Variants in PDE1C observed in about 807,000 individuals in gnomAD.
The protein encoded by PDE1C is phosphodiesterase 1C, also known as dual specificity calcium/calmodulin-dependent 3',5'-cyclic nucleotide phosphodiesterase 1C.
A neutral mutation model predicts 93.1 loss-of-function variants in PDE1C; 62 were observed. The ratio of observed to expected loss-of-function variants is 0.67; its 90% confidence interval spans 0.54 to 0.82. The LOEUF (loss-of-function observed/expected upper bound fraction) is 0.82. Ranked by LOEUF, PDE1C falls within the 40% of genes least tolerant of loss-of-function variation. The pLI, the probability that PDE1C is intolerant of heterozygous loss-of-function variation, is 0.00. For synonymous variants in PDE1C, 325 were observed against 310.1 expected (o/e 1.05, Z -0.50); for missense variants, 742 against 884.6 (o/e 0.84, Z 2.04).
chr7:31,617,737 T>G, the PDE1C span, among the ~76,000 whole-genome samples: 1 of 152,176 alleles, frequency 6.6e-6, no homozygotes, highest in East Asian at 1.9e-4. Context: ...AGGATAATAC[T>G]CTACCTAAAA....
chr7:31,985,918 C>T (rs899305137), intron 2 of PDE1C, among the ~76,000 whole-genome samples: 1 of 152,058 alleles, frequency 6.6e-6, no homozygotes, highest in Non-Finnish European at 1.5e-5. Flanking sequence ...CTGCCCCTTC[C>T]CCTAGCACCT....
At chr7:32,207,246 C>T (rs1371382044) in intron 2 of PDE1C, among the ~76,000 whole-genome samples, 1 of 152,050 alleles carries the variant, frequency 6.6e-6, no homozygotes, top group Non-Finnish European at 1.5e-5. Context: ...GCCACCCGCC[C>T]CCGCCAATCC....
the PDE1C span, among the ~76,000 whole-genome samples, chr7:31,646,971 CCTTT>C: frequency 6.6e-6 from 1 of 152,172 alleles, no homozygotes; most frequent in Non-Finnish European, 1.5e-5. Context: ...AATGAATTTC[CCTTT>C]ATTAACATCC....
intron 3 of PDE1C, among the ~76,000 whole-genome samples, chr7:32,145,148 G>A (rs1158372238): frequency 3.3e-5 from 5 of 152,152 alleles, no homozygotes; most frequent in Non-Finnish European, 7.4e-5. Flanking sequence ...TAACTGTGAT[G>A]GCAAAATGTA....
chr7:31,849,869 T>C (rs190626667), intron 8 of PDE1C, among the ~76,000 whole-genome samples: 1 of 152,268 alleles, frequency 6.6e-6, no homozygotes, highest in Admixed American at 6.5e-5. Flanking sequence ...GAAAGTTTTA[T>C]CCTAAGTAGA....
chr7:31,906,036 G>A (rs1205312068), intron 2 of PDE1C, among the ~76,000 whole-genome samples: 1 of 152,150 alleles, frequency 6.6e-6, no homozygotes, highest in Non-Finnish European at 1.5e-5. Flanking sequence ...CAGCCATGCT[G>A]AACTGTGAGT....
chr7:32,266,527 G>A (rs893076668), intron 1 of PDE1C, among the ~76,000 whole-genome samples: 4 of 152,100 alleles, frequency 2.6e-5, no homozygotes, highest in African/African-American at 7.2e-5. Flanking sequence ...TTCCTTCGGC[G>A]ATTACATGCT....
chr7:31,996,210 A>G (rs796988806), intron 2 of PDE1C, among the ~76,000 whole-genome samples: 18 of 152,186 alleles, frequency 1.2e-4, no homozygotes, highest in African/African-American at 4.3e-4. Flanking sequence ...AGGAAGAAAC[A>G]TCGTGATTAC....
intron 1 of PDE1C, among the ~76,000 whole-genome samples, chr7:32,355,932 C>T (rs1047652296): frequency 6.6e-6 from 1 of 152,200 alleles, no homozygotes; most frequent in Non-Finnish European, 1.5e-5. Context: ...TCCCATCATA[C>T]TCTCAAATGT....
intron 1 of PDE1C, among the ~76,000 whole-genome samples, chr7:32,286,907 T>C (rs934291482): frequency 6.6e-6 from 1 of 152,182 alleles, no homozygotes; most frequent in Admixed American, 6.5e-5. Context: ...TGTTAAAAAA[T>C]GAATTAAGTA....
intron 14 of PDE1C, among the ~76,000 whole-genome samples, chr7:31,820,308 A>G (rs1788801555): frequency 6.6e-6 from 1 of 152,048 alleles, no homozygotes; most frequent in African/African-American, 2.4e-5. Flanking sequence ...TCTTTTATAT[A>G]TATTTTTTAT....
intron 2 of PDE1C, among the ~76,000 whole-genome samples, chr7:31,950,289 C>T (rs1163371239): frequency 6.6e-6 from 1 of 152,140 alleles, no homozygotes; most frequent in East Asian, 1.9e-4. Context: ...AGGGTGTTGA[C>T]ATGAAAAGCA....
chr7:32,265,204 T>C (rs1810483220), intron 1 of PDE1C, among the ~76,000 whole-genome samples: 1 of 152,228 alleles, frequency 6.6e-6, no homozygotes, highest in Non-Finnish European at 1.5e-5. Flanking sequence ...TTTATAATGC[T>C]ACTAACATGT....
At chr7:32,015,098 C>A (rs1787708064) in intron 2 of PDE1C, among the ~76,000 whole-genome samples, 1 of 152,108 alleles carries the variant, frequency 6.6e-6, no homozygotes, top group South Asian at 2.1e-4. Flanking sequence ...TCCTGCCTTG[C>A]CCTCCTTCCT....
At chr7:31,883,934 C>G (rs995607608) in intron 2 of PDE1C, among the ~76,000 whole-genome samples, 1 of 152,184 alleles carries the variant, frequency 6.6e-6, no homozygotes, top group South Asian at 2.1e-4. Flanking sequence ...GTGTGAAGTT[C>G]TGACCCAACA....
Position 32,357,764 on chromosome 7 carries a change from G to T in PDE1C, c.310+70058C>A, listed in dbSNP as rs531284404. On this transcript the variant is annotated intron_variant, in intron 1 of 1. Transcript: ENST00000672256. Reference sequence around the variant, plus strand: ...GTACATGCCTTCACTGTGGTAACACGTAAATCACTGGAGCCTGCAACCTAT... The same window carrying T: ...GTACATGCCTTCACTGTGGTAACACTTAAATCACTGGAGCCTGCAACCTAT... Among the ~76,000 whole-genome samples the T allele has an allele frequency of 7.5e-4, 114 of 152,260 alleles. 1 individual carries two copies. Among genetic ancestry groups the T allele is most frequent in the Non-Finnish European group, 1.1e-3 (75 of 68,028 alleles).
At chr7:31,840,201 T>G (rs944312193) in intron 9 of PDE1C, among the ~76,000 whole-genome samples, 1 of 152,220 alleles carries the variant, frequency 6.6e-6, no homozygotes, top group Non-Finnish European at 1.5e-5. Flanking sequence ...TCATCTTGGT[T>G]TTAATTTACA....
chr7:32,363,065 G>C (rs1020962334), intron 1 of PDE1C, among the ~76,000 whole-genome samples: 4 of 152,206 alleles, frequency 2.6e-5, no homozygotes, highest in African/African-American at 7.2e-5. Context: ...GCCAAGCACC[G>C]TTCAGCTTCC....
intron 1 of PDE1C, among the ~76,000 whole-genome samples, chr7:32,245,171 A>G (rs1193819353): frequency 6.6e-6 from 1 of 152,118 alleles, no homozygotes; most frequent in Non-Finnish European, 1.5e-5. Flanking sequence ...ACAGTGTCCT[A>G]GTCCCCTTGG....
Sources: gnomAD v4.1 joint callset for allele counts (sites outside exome capture counted in the v4.1 genomes callset) on GRCh38, gnomAD v4.1.1 for gene constraint, MANE v1.5 for transcripts, NCBI Gene and HGNC (gene_info 2026-07-23, HGNC 2026-07-21) for gene names.